STX7: variants seen among roughly 807,000 people sequenced by gnomAD.
STX7 encodes syntaxin-7.
In STX7, 34 loss-of-function variants were observed where a neutral mutation model predicts 39.6. The observed-to-expected ratio is 0.86, with a 90% CI of 0.65 to 1.14. STX7 has a LOEUF of 1.14. Ranked by LOEUF, STX7 falls within the 50% of genes most tolerant of loss-of-function variation. STX7 has a pLI of 0.00. For synonymous variants in STX7, 119 were observed against 99.1 expected (o/e 1.20, Z -1.19); for missense variants, 284 against 310.4 (o/e 0.92, Z 0.64).
intron 3 of STX7, among the ~76,000 whole-genome samples, chr6:132,472,910 C>A (rs1350573588): frequency 6.6e-6 from 1 of 152,180 alleles, no homozygotes; most frequent in East Asian, 1.9e-4. Flanking sequence ...GTCATCCCAA[C>A]ACTTTGAGAG....
intron 1 of STX7, among the ~76,000 whole-genome samples, chr6:132,507,468 T>C (rs2114484293): frequency 6.6e-6 from 1 of 152,330 alleles, no homozygotes. Context: ...GCTCTCCATT[T>C]CTCCCCAACC....
chr6:132,495,092 G>A (rs1211017119), intron 2 of STX7, among the ~76,000 whole-genome samples: 1 of 152,118 alleles, frequency 6.6e-6, no homozygotes, highest in African/African-American at 2.4e-5. Flanking sequence ...TCATGTTCAG[G>A]GCAGAAGCAT....
At chr6:132,488,979 A>C (rs775579975) in intron 2 of STX7, among the ~76,000 whole-genome samples, 12 of 152,084 alleles carry the variant, frequency 7.9e-5, no homozygotes, top group Non-Finnish European at 1.8e-4. Flanking sequence ...AGGTAAGCAG[A>C]TCACTTGAGG....
intron 5 of STX7, among the ~76,000 whole-genome samples, chr6:132,470,937 T>C (rs1307426861): frequency 2.6e-5 from 4 of 152,202 alleles, no homozygotes; most frequent in Non-Finnish European, 5.9e-5. Flanking sequence ...GGAATCCATA[T>C]GTTAATGAAT....
At chr6:132,505,955 G>C (rs1006806930) in intron 1 of STX7, among the ~76,000 whole-genome samples, 3 of 151,888 alleles carry the variant, frequency 2.0e-5, no homozygotes, top group Non-Finnish European at 2.9e-5. Flanking sequence ...ACAGTCAATT[G>C]ATCTTTTTGA....
chr6:132,473,497 G>GTTT (rs1241957879), intron 3 of STX7, among the ~76,000 whole-genome samples: 1 of 123,048 alleles, frequency 8.1e-6, no homozygotes. Flanking sequence ...TTATAGTTCA[G>GTTT]TTTTTTTTTT....
At chr6:132,461,593 A>C (rs571465466) in intron 9 of STX7, 1 of 428,734 alleles carries the variant, frequency 2.3e-6, no homozygotes, top group Non-Finnish European at 4.2e-6. Flanking sequence ...TACAGGCGTG[A>C]GCCACCACGC....
chr6:132,498,699 AC>A (rs1775478323), intron 2 of STX7, among the ~76,000 whole-genome samples: 1 of 152,114 alleles, frequency 6.6e-6, no homozygotes, highest in Admixed American at 6.5e-5. Context: ...ATTCAATCGC[AC>A]CCAGTATTAT....
chr6:132,478,776 A>G lies in STX7; in HGVS notation c.86-3114T>C, dbSNP rs116981888. Among the ~76,000 whole-genome samples, 762 of 152,354 alleles carry G rather than the reference A, an allele frequency of 5.0e-3. 5 individuals carry two copies. Among genetic ancestry groups the G allele is most frequent in the South Asian group, 0.017 (83 of 4,830 alleles). On this transcript the variant is annotated intron_variant, in intron 2 of 9. Coordinates refer to ENST00000367941, the MANE Select transcript of STX7 (RefSeq NM_003569.3). ...TAGCAACCTGTATATACCTGCTTAT[A>G]TGGCAAATACTTTTTGCTCTACCCT...
At chr6:132,497,621 T>A (rs1248778249) in intron 2 of STX7, among the ~76,000 whole-genome samples, 1 of 152,216 alleles carries the variant, frequency 6.6e-6, no homozygotes, top group East Asian at 1.9e-4. Flanking sequence ...TTCTGCTGCT[T>A]TTAAAAACAT....
chr6:132,469,850 A>G, intron 7 of STX7, 101 bp downstream of exon 7: 1 of 998,514 alleles, frequency 1.0e-6, no homozygotes, highest in Non-Finnish European at 1.4e-6. Context: ...AAGAAAACAA[A>G]ATTTTTCTGT....
chr6:132,504,728 C>T (rs1775655379), intron 1 of STX7, among the ~76,000 whole-genome samples: 1 of 152,120 alleles, frequency 6.6e-6, no homozygotes, highest in East Asian at 1.9e-4. Flanking sequence ...TGCAAACCAA[C>T]AAAAAACCCC....
Position 132,460,705 on chromosome 6 carries a change from A to C in STX7, c.*53T>G, listed in dbSNP as rs894338333. 1 of 1,286,992 alleles carries C rather than the reference A, an allele frequency of 7.8e-7. No homozygotes were observed. Among genetic ancestry groups the C allele is most frequent in the African/African-American group, 1.5e-5 (1 of 66,928 alleles). The allele number at this position is 1,286,992 out of a possible 1,614,324, so 79.7% of individuals were successfully genotyped here. On this transcript the variant is annotated 3_prime_UTR_variant, in exon 10 of 10. Transcript: ENST00000367941. ...TAATTAAAAAAACATGATTACAGGA[A>C]TCTTCCTACATAATTTAGACAATGT... is the stretch of plus-strand genomic sequence containing the variant.
rs140215590 is a variant in STX7 at position 132,503,498 on chromosome 6, G to T, written c.33C>A (p.Pro11=). The T allele has an allele frequency of 6.2e-7, 1 of 1,613,904 alleles. No homozygotes were observed. The highest frequency in any genetic ancestry group is 1.3e-5 in the African/African-American group (1 of 74,908). The change falls in exon 2 of 10, where the codon CCC becomes CCA. Residue 11 remains proline (P), a synonymous_variant. Transcript: ENST00000367941. MSYTPGVGGD[P]AQLAQRISSN... is the part of the protein sequence containing the mutation. ...AAGAGATCCTCTGGGCCAACTGGGCGGGGTCACCACCAACTCCTGGAGTGT... is the reference window on the plus strand; with the variant it reads ...AAGAGATCCTCTGGGCCAACTGGGCTGGGTCACCACCAACTCCTGGAGTGT...
intron 2 of STX7, among the ~76,000 whole-genome samples, chr6:132,486,018 T>C (rs1204130215): frequency 6.6e-6 from 1 of 152,258 alleles, no homozygotes; most frequent in Non-Finnish European, 1.5e-5. Flanking sequence ...TGATTGCTCA[T>C]TGCCAGTATA....
chr6:132,477,375 A>G (rs1774901314), intron 2 of STX7, among the ~76,000 whole-genome samples: 2 of 152,134 alleles, frequency 1.3e-5, no homozygotes, highest in South Asian at 2.1e-4. Flanking sequence ...GCAGGTATTT[A>G]TCTCAACTCT....
At chr6:132,482,777 A>C (rs1227942710) in intron 2 of STX7, among the ~76,000 whole-genome samples, 2 of 152,150 alleles carry the variant, frequency 1.3e-5, no homozygotes, top group Non-Finnish European at 2.9e-5. Flanking sequence ...TCCCAGCTGA[A>C]AGTGATCAAG....
intron 9 of STX7, among the ~76,000 whole-genome samples, chr6:132,463,189 C>T (rs955507207): frequency 5.3e-5 from 8 of 151,930 alleles, no homozygotes; most frequent in East Asian, 1.9e-4. Context: ...GCCTGGGCAT[C>T]GGAGCCAGAC....
chr6:132,497,582 TA>T (rs1394885392), intron 2 of STX7, among the ~76,000 whole-genome samples: 1 of 152,358 alleles, frequency 6.6e-6, no homozygotes, highest in East Asian at 1.9e-4. Context: ...AGCCTGTGTT[TA>T]CTTATGTGAT....
Sources: allele counts gnomAD v4.1 joint callset (sites outside exome capture counted in the v4.1 genomes callset), GRCh38; gene constraint gnomAD v4.1.1; transcripts MANE v1.5; gene names NCBI Gene and HGNC (gene_info 2026-07-23, HGNC 2026-07-21).